The following SHISA9 variants were observed in gnomAD, a reference collection of about 807,000 sequenced individuals.
SHISA9 encodes the protein shisa family member 9, also known as protein shisa-9.
SHISA9 carries 13 observed loss-of-function variants against 38.0 expected under a neutral mutation model. That is an observed-to-expected ratio of 0.34 (90% confidence interval 0.22 to 0.54). SHISA9 has a LOEUF of 0.54. SHISA9 is among the 20% of genes least tolerant of loss of function. The pLI, the probability that SHISA9 is intolerant of heterozygous loss-of-function variation, is 0.91. For synonymous variants in SHISA9, 275 were observed against 242.0 expected (o/e 1.14, Z -1.27); for missense variants, 538 against 575.8 (o/e 0.93, Z 0.67).
rs371862902 is a variant in SHISA9, at chr16:13,037,101, C to CAGACAG, written c.691+120287_691+120288insGACAGA. ...ACACACACCACACCACACACACACA[C>CAGACAG]ACACACAGACACACACACACACACA... On this transcript the variant is annotated intron_variant, in intron 2 of 4. Transcript: ENST00000558583. Among the ~76,000 whole-genome samples the CAGACAG allele has an allele frequency of 4.3e-3, 249 of 58,074 alleles. 3 individuals are homozygous for CAGACAG. Among genetic ancestry groups the CAGACAG allele is most frequent in the African/African-American group, 0.016 (229 of 14,260 alleles). 38.1% of individuals were successfully genotyped at this position (58,074 alleles called of 152,430 possible). A position where few individuals can be genotyped will look rare whatever the true frequency, so the allele number is the denominator to read the frequency against.
the SHISA9 span, among the ~76,000 whole-genome samples, chr16:13,444,810 T>TCTTCC: frequency 0.014 from 2,115 of 149,290 alleles, 27 homozygotes; most frequent in Middle Eastern, 0.038. Context: ...CTTCCCTCCA[T>TCTTCC]CTTCCCTTCC....
the SHISA9 span, among the ~76,000 whole-genome samples, chr16:13,430,062 G>A: frequency 6.6e-6 from 1 of 152,126 alleles, no homozygotes; most frequent in Non-Finnish European, 1.5e-5. Flanking sequence ...CCAGAAGAAA[G>A]GCCATGTGAA....
intron 2 of SHISA9, among the ~76,000 whole-genome samples, chr16:13,199,878 A>G (rs1480782901): frequency 6.6e-6 from 1 of 152,178 alleles, no homozygotes; most frequent in African/African-American, 2.4e-5. Context: ...AGCTGGGCAC[A>G]TACTCACCTG....
chr16:13,311,474 G>A, the SHISA9 span, among the ~76,000 whole-genome samples: 11 of 151,974 alleles, frequency 7.2e-5, no homozygotes, highest in Non-Finnish European at 5.9e-5. Flanking sequence ...GTAGAGACTC[G>A]TTTTCTCTTC....
intron 2 of SHISA9, among the ~76,000 whole-genome samples, chr16:13,148,493 C>T (rs892347184): frequency 1.3e-5 from 2 of 152,136 alleles, no homozygotes; most frequent in African/African-American, 2.4e-5. Flanking sequence ...CACCTACCCA[C>T]CCACGTCACA....
At chr16:12,997,189 T>G (rs892873108) in intron 2 of SHISA9, among the ~76,000 whole-genome samples, 3 of 152,010 alleles carry the variant, frequency 2.0e-5, no homozygotes, top group African/African-American at 7.3e-5. Context: ...CACAGTAGTT[T>G]TGCATGGTCC....
the SHISA9 span, among the ~76,000 whole-genome samples, chr16:13,286,805 C>T: frequency 1.3e-5 from 2 of 152,090 alleles, no homozygotes; most frequent in Admixed American, 6.6e-5. Flanking sequence ...ATACGTAAAG[C>T]CATAAAAATG....
intron 2 of SHISA9, among the ~76,000 whole-genome samples, chr16:12,994,468 T>C (rs1403937114): frequency 1.3e-5 from 2 of 152,206 alleles, no homozygotes; most frequent in East Asian, 3.8e-4. Flanking sequence ...AGGCCTTGTA[T>C]GTGTCCACTG....
intron 2 of SHISA9, among the ~76,000 whole-genome samples, chr16:13,175,380 CA>C (rs1319742963): frequency 6.6e-6 from 1 of 152,098 alleles, no homozygotes; most frequent in Non-Finnish European, 1.5e-5. Flanking sequence ...TAAATACATA[CA>C]AATAAAATAA....
At chr16:13,130,145 G>A (rs1313488341) in intron 2 of SHISA9, among the ~76,000 whole-genome samples, 1 of 152,120 alleles carries the variant, frequency 6.6e-6, no homozygotes, top group Non-Finnish European at 1.5e-5. Flanking sequence ...ACATCTGTAT[G>A]TCTGGTGACT....
chr16:13,396,360 A>T, the SHISA9 span, among the ~76,000 whole-genome samples: 1 of 152,192 alleles, frequency 6.6e-6, no homozygotes, highest in Non-Finnish European at 1.5e-5. Context: ...TACACAAATT[A>T]ACTGGGCAGG....
rs913480906 is a variant in SHISA9 at position 13,027,884 on chromosome 16, G to A, written c.691+111069G>A. Reference sequence around the variant, plus strand: ...GGAGGTTGTAGTGAGCCGAGACCACGCCACTGCACTCTGGCCTGGGTGACT... The same window carrying A: ...GGAGGTTGTAGTGAGCCGAGACCACACCACTGCACTCTGGCCTGGGTGACT... On this transcript the variant is annotated intron_variant, in intron 2 of 4. Coordinates refer to ENST00000558583, the MANE Select transcript of SHISA9 (RefSeq NM_001145204.3). 7.0e-5 allele frequency among the ~76,000 whole-genome samples: 9 copies of A among 129,094 alleles called. No individual in the cohort carries two copies. In the South Asian group the frequency reaches 9.9e-4, roughly 14 times the overall value. 84.7% of individuals were successfully genotyped at this position (129,094 alleles called of 152,430 possible).
Position 13,170,217 on chromosome 16 carries a change from A to G in SHISA9, c.692-33177A>G, listed in dbSNP as rs1003549620. Among the ~76,000 whole-genome samples, 183 of 151,756 alleles carry G rather than the reference A, an allele frequency of 1.2e-3. 2 individuals carry two copies. Among genetic ancestry groups the G allele is most frequent in the African/African-American group, 4.0e-3 (165 of 41,428 alleles). On this transcript the variant is annotated intron_variant, in intron 2 of 4. Transcript: ENST00000558583. The stretch of plus-strand genomic sequence containing the variant: ...GACTCCATCTCAAAAAAAAAAAAAA[A>G]AAAGAAAAGAAAAGTAAAATATATG...
At chr16:13,310,150 A>G in the SHISA9 span, among the ~76,000 whole-genome samples, 1 of 152,280 alleles carries the variant, frequency 6.6e-6, no homozygotes, top group East Asian at 1.9e-4. Flanking sequence ...GGCCTCCCAT[A>G]GTGCTGGGAT....
At chr16:13,560,934 G>T in the SHISA9 span, among the ~76,000 whole-genome samples, 1 of 152,186 alleles carries the variant, frequency 6.6e-6, no homozygotes, top group African/African-American at 2.4e-5. Flanking sequence ...CACAATCTCG[G>T]CTCACTGCAA....
chr16:13,011,522 A>T lies in SHISA9; in HGVS notation c.691+94707A>T, dbSNP rs2072674674. Among the ~76,000 whole-genome samples, 2 of 151,808 alleles carry T rather than the reference A, an allele frequency of 1.3e-5. 1 individual carries two copies. The highest frequency in any genetic ancestry group is 1.3e-4 in the Admixed American group (2 of 15,240). On this transcript the variant is annotated intron_variant, in intron 2 of 4. Transcript: ENST00000558583. The stretch of plus-strand genomic sequence containing the variant: ...TCCCTGGTAACCTCTATCTCTGTAT[A>T]TTTGACTTTCTTTTTTGGAGTTGGA...
At chr16:13,420,181 G>T in the SHISA9 span, among the ~76,000 whole-genome samples, 1 of 135,630 alleles carries the variant, frequency 7.4e-6, no homozygotes, top group African/African-American at 2.7e-5. Context: ...GGAGCGGGGA[G>T]GTTGCCCTGA....
At chr16:13,481,957 C>T in the SHISA9 span, among the ~76,000 whole-genome samples, 2 of 152,210 alleles carry the variant, frequency 1.3e-5, no homozygotes, top group African/African-American at 4.8e-5. Flanking sequence ...TTTCTGAACA[C>T]TTATTACATG....
intron 2 of SHISA9, among the ~76,000 whole-genome samples, chr16:12,974,578 C>A (rs537265836): frequency 6.8e-6 from 1 of 147,008 alleles, no homozygotes; most frequent in African/African-American, 2.5e-5. Flanking sequence ...CTCCAACCCC[C>A]AGGTTCAAGC....
Sources: gnomAD v4.1 joint callset for allele counts (sites outside exome capture counted in the v4.1 genomes callset) on GRCh38, gnomAD v4.1.1 for gene constraint, MANE v1.5 for transcripts, NCBI Gene and HGNC (gene_info 2026-07-23, HGNC 2026-07-21) for gene names.